PTPRB: variants seen among roughly 807,000 people sequenced by gnomAD.
PTPRB encodes the protein protein tyrosine phosphatase receptor type B, also known as receptor-type tyrosine-protein phosphatase beta.
PTPRB carries 97 observed loss-of-function variants against 238.1 expected under a neutral mutation model. The ratio of observed to expected loss-of-function variants is 0.41; its 90% CI spans 0.35 to 0.48. The LOEUF is 0.48. Ranked by LOEUF, PTPRB falls within the 20% of genes least tolerant of loss-of-function variation. The pLI, the probability that PTPRB is intolerant of heterozygous loss-of-function variation, is 0.30. For synonymous variants in PTPRB, 970 were observed against 995.4 expected, an observed-to-expected ratio of 0.97 and a Z score of 0.48; for missense variants, 2,292 against 2,681.9, an observed-to-expected ratio of 0.85 and a Z score of 3.21.
At chr12:70,531,884 A>C (rs1406844449) in intron 32 of PTPRB, 151 bp downstream of exon 32, 25 of 877,876 alleles carry the variant, frequency 2.8e-5, no homozygotes, top group Non-Finnish European at 1.2e-5. Context: ...TTAAAATAAC[A>C]AGTCTTAGAA....
At position 70,596,355 on chromosome 12, in the gene PTPRB, A is replaced by ACACACACACACACACAC. The variant is rs1555234327; in HGVS notation, c.980-29_980-28insGTGTGTGTGTGTGTGTG. The ACACACACACACACACAC allele has an allele frequency of 1.7e-5, 16 of 926,570 alleles. 1 individual carries two copies. The African/African-American group carries it at 3.6e-4, about 21-fold the overall frequency. The allele number at this position is 926,570 out of a possible 1,614,324, so 57.4% of individuals were successfully genotyped here. A position where few individuals can be genotyped will look rare whatever the true frequency, so the allele number is the denominator to read the frequency against. On this transcript the variant is annotated intron_variant, in intron 4 of 33. Transcript: ENST00000334414. Reference sequence around the variant, plus strand: ...GCAAGGCAAATACACACACACACACAAAAAAAAAAAAGAAAGAAAAAGAAA... The same window carrying ACACACACACACACACAC: ...GCAAGGCAAATACACACACACACACACACACACACACACACACAAAAAAAAAAAGAAAGAAAAAGAAA...
intron 18 of PTPRB, chr12:70,559,055 G>A (rs984606235): frequency 3.2e-5 from 17 of 524,578 alleles, no homozygotes; most frequent in African/African-American, 3.0e-4. Flanking sequence ...CCTAACAAGT[G>A]TCTCCATAGT....
rs1313498175 is a variant in PTPRB at position 70,519,377 on chromosome 12, C to T, written c.*2112G>A. On this transcript the variant is annotated 3_prime_UTR_variant, in exon 34 of 34. Transcript: ENST00000334414. ...AGGTGACCACTGTCCTAGACTGGCT[C>T]AGTTATCCCATTCCCTTGATGAGGC... 1 of 152,184 alleles carries T rather than the reference C, an allele frequency of 6.6e-6. No homozygotes were observed. Among genetic ancestry groups the T allele is most frequent in the Non-Finnish European group, 1.5e-5 (1 of 68,050 alleles). 9.4% of individuals were successfully genotyped at this position (152,184 alleles called of 1,614,324 possible).
intron 32 of PTPRB, among the ~76,000 whole-genome samples, chr12:70,530,085 T>C (rs1162616907): frequency 6.6e-6 from 1 of 151,908 alleles, no homozygotes; most frequent in Non-Finnish European, 1.5e-5. Context: ...GGAAAACAAA[T>C]GGGAGGGAGG....
At chr12:70,553,574 C>CA in intron 20 of PTPRB, among the ~76,000 whole-genome samples, 1 of 151,958 alleles carries the variant, frequency 6.6e-6, no homozygotes. Flanking sequence ...GCCCCTTACT[C>CA]AGAGCACTTC....
chr12:70,622,950 G>A (rs912044581), intron 2 of PTPRB, among the ~76,000 whole-genome samples: 1 of 86,456 alleles, frequency 1.2e-5, no homozygotes, highest in African/African-American at 5.7e-5. Context: ...TGAGAATTTA[G>A]GGGGGGGGTC....
intron 32 of PTPRB, among the ~76,000 whole-genome samples, chr12:70,527,330 A>G (rs1339692878): frequency 6.6e-6 from 1 of 152,226 alleles, no homozygotes; most frequent in Non-Finnish European, 1.5e-5. Flanking sequence ...TGATATTTAT[A>G]AGAATTCAAG....
In PTPRB at chr12:70,576,376, C is replaced by A. The variant is rs375718807; in HGVS notation, c.2842+6G>T. ...TACGGAGCCCTGAACCTTCATACAG[C>A]CTTACCTGTCCGCTCTTGGCTGAAG... On this transcript the variant is annotated splice_donor_region_variant and intron_variant, in intron 11 of 33. Transcript: ENST00000334414. The A allele has an allele frequency of 2.5e-6, 4 of 1,611,234 alleles. No individual in the cohort carries two copies. Among genetic ancestry groups the A allele is most frequent in the African/African-American group, 1.3e-5 (1 of 74,850 alleles).
rs567067701 is a variant in PTPRB, at chr12:70,540,105, T to A, written c.5595-83A>T. On this transcript the variant is annotated intron_variant, in intron 23 of 33. Coordinates refer to ENST00000334414, the MANE Select transcript of PTPRB (RefSeq NM_001109754.4). ...TTTCCATTTATGGTAAGGCTGTGGA[T>A]GTTTGTGCAAATATGGATTTTTCAG... 3.2e-5 allele frequency: 38 copies of A among 1,186,712 alleles called. No individual in the cohort carries two copies. The African/African-American group carries it at 4.1e-4, about 13-fold the overall frequency. 73.5% of individuals were successfully genotyped at this position (1,186,712 alleles called of 1,614,324 possible).
chr12:70,534,411 G>A, intron 31 of PTPRB, 77 bp downstream of exon 31: 1 of 1,494,938 alleles, frequency 6.7e-7, no homozygotes, highest in Non-Finnish European at 9.0e-7. Context: ...AATTCCCCAT[G>A]CTTATGTATT....
intron 14 of PTPRB, among the ~76,000 whole-genome samples, chr12:70,567,949 C>A (rs1879519853): frequency 6.6e-6 from 1 of 152,104 alleles, no homozygotes; most frequent in Non-Finnish European, 1.5e-5. Context: ...CCTCAGCTTC[C>A]CAAAATGTGG....
chr12:70,542,964 A>G (rs564352316), intron 22 of PTPRB: 1 of 151,648 alleles, frequency 6.6e-6, no homozygotes, highest in Admixed American at 6.6e-5. Flanking sequence ...TTATTATTAA[A>G]TTGTGAGGTA....
At chr12:70,539,372 G>A in intron 26 of PTPRB, 1 of 549,708 alleles carries the variant, frequency 1.8e-6, no homozygotes, top group Non-Finnish European at 3.2e-6. Context: ...TTTGAGATTT[G>A]TTAATTCTTC....
chr12:70,538,608 C>A, intron 27 of PTPRB: 1 of 448,130 alleles, frequency 2.2e-6, no homozygotes, highest in Non-Finnish European at 4.0e-6. Context: ...CTTTGCTAAG[C>A]AAACCCAGGT....
chr12:70,587,452 TAC>T (rs920586826), intron 8 of PTPRB, among the ~76,000 whole-genome samples, 185 bp from the exon 9 acceptor site: 1 of 152,208 alleles, frequency 6.6e-6, no homozygotes, highest in African/African-American at 2.4e-5. Context: ...TAACCAGAAA[TAC>T]AGACTCAATT....
intron 33 of PTPRB, among the ~76,000 whole-genome samples, chr12:70,523,168 T>G (rs2136193515): frequency 6.6e-6 from 1 of 152,194 alleles, no homozygotes; most frequent in Admixed American, 6.5e-5. Flanking sequence ...AACCTGTTTG[T>G]TTTTTGAGAT....
intron 31 of PTPRB, among the ~76,000 whole-genome samples, chr12:70,533,046 A>G (rs1873537126): frequency 6.6e-6 from 1 of 152,224 alleles, no homozygotes; most frequent in African/African-American, 2.4e-5. Context: ...GTTGCAAAGA[A>G]CATGAATATA....
chr12:70,616,353 T>C (rs1390581391), intron 3 of PTPRB, among the ~76,000 whole-genome samples: 1 of 152,216 alleles, frequency 6.6e-6, no homozygotes, highest in African/African-American at 2.4e-5. Flanking sequence ...TCTTCCTCCA[T>C]CTGAATTTAT....
At position 70,524,451 on chromosome 12, in the gene PTPRB, TAAGTG is replaced by T; in HGVS notation, c.6625+15_6625+19del. 6.3e-7 allele frequency: 1 copy of T among 1,580,164 alleles called. No individual in the cohort carries two copies. On this transcript the variant is annotated intron_variant, in intron 33 of 33. Coordinates refer to ENST00000334414, the MANE Select transcript of PTPRB (RefSeq NM_001109754.4). ...ATCTTGATGAAGAAACTTGGGGAAG[TAAGTG>T]AAGTAAGTGCCCACCTCTGTGATAC...
Sources: gnomAD v4.1 joint callset for allele counts (sites outside exome capture counted in the v4.1 genomes callset) on GRCh38, gnomAD v4.1.1 for gene constraint, MANE v1.5 for transcripts, NCBI Gene and HGNC (gene_info 2026-07-23, HGNC 2026-07-21) for gene names.